The following ZNF70 variants were observed in gnomAD, a reference collection of about 807,000 sequenced individuals.
ZNF70 encodes zinc finger protein 70, also known as zinc finger protein N27C7-1.
A neutral mutation model predicts 37.7 loss-of-function variants in ZNF70; 18 were observed. The observed-to-expected ratio is 0.48, with a 90% CI of 0.33 to 0.71. ZNF70 has a LOEUF of 0.71. ZNF70 is among the 30% of genes least tolerant of loss of function. ZNF70 has a pLI of 0.02. For synonymous variants in ZNF70, 219 were observed against 220.1 expected, an observed-to-expected ratio of 0.99 and a Z score of 0.05; for missense variants, 506 against 568.6, an observed-to-expected ratio of 0.89 and a Z score of 1.12.
chr22:23,746,780 T>G (rs970564420), intron 1 of ZNF70, among the ~76,000 whole-genome samples: 1 of 151,994 alleles, frequency 6.6e-6, no homozygotes, highest in Non-Finnish European at 1.5e-5. Context: ...TTTGTAGAGA[T>G]GAGGTCACAC....
At position 23,746,132 on chromosome 22, in the gene ZNF70, C is replaced by T. The variant is rs113394528; in HGVS notation, c.-79-913G>A. ...GCTGACCTCCGGCTTCCTCCTCTCC[C>T]TCTGGTGCATGCCCTACACTAACAA... On this transcript the variant is annotated intron_variant, in intron 1 of 1. Coordinates refer to ENST00000341976, the MANE Select transcript of ZNF70 (RefSeq NM_021916.4). Among the ~76,000 whole-genome samples, 73 of 152,184 alleles carry T rather than the reference C, an allele frequency of 4.8e-4. 1 individual carries two copies. Among genetic ancestry groups the T allele is most frequent in the African/African-American group, 1.8e-3 (73 of 41,542 alleles).
In ZNF70 at chr22:23,744,683, G is replaced by A. The variant is rs1487312633; in HGVS notation, c.458C>T (p.Ser153Leu). ...GATCACCAGGTGTCGGAGCAGGTGC[G>A]AGCTCTGGCTGAAGGCCTTCCCACA... ...RECGKAFSQS[S>L]HLLRHLVIHT... Residue 153 changes from serine (S) to leucine (L), a missense_variant, in exon 2 of 2, where the codon TCG becomes TTG. Ser to Leu is a moderately radical substitution (Grantham distance 145). Coordinates refer to ENST00000341976, the MANE Select transcript of ZNF70 (RefSeq NM_021916.4). The A allele has an allele frequency of 1.1e-5, 18 of 1,613,246 alleles. No individual in the cohort carries two copies. In the Admixed American group the frequency reaches 1.8e-4, roughly 16 times the overall value.
At position 23,739,020 on chromosome 22, in the gene ZNF70, T is replaced by C. The variant is rs1719047976; in HGVS notation, c.*4780A>G. On this transcript the variant is annotated 3_prime_UTR_variant, in exon 2 of 2. Transcript: ENST00000341976. Reference sequence around the variant, plus strand: ...ATGCTAAAGACTCCTAGGCAGGCCATGGACCCCCAGATTAAGAACTCTAAA... The same window carrying C: ...ATGCTAAAGACTCCTAGGCAGGCCACGGACCCCCAGATTAAGAACTCTAAA... 2.0e-5 allele frequency: 3 copies of C among 152,144 alleles called. No homozygotes were observed. The highest frequency in any genetic ancestry group is 2.1e-4 in the South Asian group (1 of 4,830). 9.4% of individuals were successfully genotyped at this position (152,144 alleles called of 1,614,324 possible). A position where few individuals can be genotyped will look rare whatever the true frequency, so the allele number is the denominator to read the frequency against.
chr22:23,739,265 T>C lies in ZNF70; in HGVS notation c.*4535A>G, dbSNP rs1361480384. On this transcript the variant is annotated 3_prime_UTR_variant, in exon 2 of 2. Coordinates refer to ENST00000341976, the MANE Select transcript of ZNF70 (RefSeq NM_021916.4). Reference sequence around the variant, plus strand: ...AGCAATACCCTAAGCATTCATCACTTAGAAATTTTTTTTATATATATTTTT... The same window carrying C: ...AGCAATACCCTAAGCATTCATCACTCAGAAATTTTTTTTATATATATTTTT... 1 of 151,232 alleles carries C rather than the reference T, an allele frequency of 6.6e-6. No individual in the cohort carries two copies. Among genetic ancestry groups the C allele is most frequent in the African/African-American group, 2.5e-5 (1 of 40,604 alleles). 9.4% of individuals were successfully genotyped at this position (151,232 alleles called of 1,614,324 possible). A position where few individuals can be genotyped will look rare whatever the true frequency, so the allele number is the denominator to read the frequency against.
At chr22:23,745,989 T>C (rs910615532) in intron 1 of ZNF70, among the ~76,000 whole-genome samples, 3 of 152,152 alleles carry the variant, frequency 2.0e-5, no homozygotes, top group Admixed American at 1.3e-4. Flanking sequence ...TCCCCTCTTA[T>C]CTACTTCCTG....
intron 1 of ZNF70, among the ~76,000 whole-genome samples, chr22:23,745,967 TC>T (rs1442618908): frequency 6.6e-6 from 1 of 152,142 alleles, no homozygotes; most frequent in Non-Finnish European, 1.5e-5. Flanking sequence ...GCTCTTATTC[TC>T]ACCCGACCGG....
At position 23,750,777 on chromosome 22, in the gene ZNF70, C is replaced by G. The variant is rs1925298994; in HGVS notation, c.-146G>C. ...CCATCCTCCAGAGAGTCCCTAGGGC[C>G]TGGGCACCCTGCAAACTCTTAGTGC... is the stretch of plus-strand genomic sequence containing the variant. On this transcript the variant is annotated 5_prime_UTR_variant, in exon 1 of 2. Coordinates refer to ENST00000341976, the MANE Select transcript of ZNF70 (RefSeq NM_021916.4). The G allele has an allele frequency of 6.6e-6, 1 of 152,392 alleles. No homozygotes were observed. The highest frequency in any genetic ancestry group is 2.4e-5 in the African/African-American group (1 of 41,484). 9.4% of individuals were successfully genotyped at this position (152,392 alleles called of 1,614,324 possible). A position where few individuals can be genotyped will look rare whatever the true frequency, so the allele number is the denominator to read the frequency against.
chr22:23,748,300 T>A (rs1317979367), intron 1 of ZNF70, among the ~76,000 whole-genome samples: 1 of 151,496 alleles, frequency 6.6e-6, no homozygotes, highest in Non-Finnish European at 1.5e-5. Context: ...AGTGCAGGAG[T>A]AGAATCACAG....
At position 23,743,927 on chromosome 22, in the gene ZNF70, G is replaced by A. The variant is rs1924977996; in HGVS notation, c.1214C>T (p.Ala405Val). ...ECGKAFRHRS[A>V]LIEHYKTHTR... ...GTGGGTTTTATAGTGCTCAATGAGG[G>A]CTGACCGGTGCCGGAAGGCTTTGCC... The change falls in exon 2 of 2, where the codon GCC becomes GTC. Residue 405 changes from alanine (A) to valine (V), a missense_variant. By Grantham distance (64) the Ala-to-Val change is moderately conservative. Coordinates refer to ENST00000341976, the MANE Select transcript of ZNF70 (RefSeq NM_021916.4). 4.3e-6 allele frequency: 7 copies of A among 1,613,314 alleles called. No individual in the cohort carries two copies. Among genetic ancestry groups the A allele is most frequent in the Non-Finnish European group, 5.9e-6 (7 of 1,179,260 alleles).
Position 23,739,202 on chromosome 22 carries a change from T to C in ZNF70, c.*4598A>G, listed in dbSNP as rs1156489539. 1 of 152,216 alleles carries C rather than the reference T, an allele frequency of 6.6e-6. No individual in the cohort carries two copies. The highest frequency in any genetic ancestry group is 2.4e-5 in the African/African-American group (1 of 41,458). The allele number at this position is 152,216 out of a possible 1,614,324, so 9.4% of individuals were successfully genotyped here. A position where few individuals can be genotyped will look rare whatever the true frequency, so the allele number is the denominator to read the frequency against. The stretch of plus-strand genomic sequence containing the variant: ...AGGCCCAAAGAAGTCCTATGGACAC[T>C]TAGAAATGTTGACACCACAGTACAG... On this transcript the variant is annotated 3_prime_UTR_variant, in exon 2 of 2. Transcript: ENST00000341976.
rs1276006153 is a variant in ZNF70 at position 23,745,127 on chromosome 22, G to A, written c.14C>T (p.Pro5Leu). 1 of 1,611,688 alleles carries A rather than the reference G, an allele frequency of 6.2e-7. No homozygotes were observed. Among genetic ancestry groups the A allele is most frequent in the Admixed American group, 1.7e-5 (1 of 59,844 alleles). The change falls in exon 2 of 2, where the codon CCA becomes CTA. Residue 5 changes from proline to leucine, a missense_variant. Coordinates refer to ENST00000341976, the MANE Select transcript of ZNF70 (RefSeq NM_021916.4). ...AAAGGTCTCACCAAACTTTGTTGCT[G>A]GGGGAACCTCCATTGTGAATCTGCT... MEVP[P>L]ATKFGETFAF...
intron 1 of ZNF70, among the ~76,000 whole-genome samples, chr22:23,747,267 C>T (rs917762290): frequency 1.3e-5 from 2 of 152,164 alleles, no homozygotes; most frequent in African/African-American, 4.8e-5. Flanking sequence ...GGAAGGTGAG[C>T]GAGCATTACA....
chr22:23,741,076 G>A lies in ZNF70; in HGVS notation c.*2724C>T, dbSNP rs907650663. Reference sequence around the variant, plus strand: ...GGGTAAACCAGGTTGGCTGAAACGAGGGTTTACGTGCAGGAAAGCTCCTGA... The same window carrying A: ...GGGTAAACCAGGTTGGCTGAAACGAAGGTTTACGTGCAGGAAAGCTCCTGA... On this transcript the variant is annotated 3_prime_UTR_variant, in exon 2 of 2. Coordinates refer to ENST00000341976, the MANE Select transcript of ZNF70 (RefSeq NM_021916.4). The A allele has an allele frequency of 1.3e-5, 2 of 152,318 alleles. No homozygotes were observed. The highest frequency in any genetic ancestry group is 4.8e-5 in the African/African-American group (2 of 41,438). The allele number at this position is 152,318 out of a possible 1,614,324, so 9.4% of individuals were successfully genotyped here.
At chr22:23,750,284 C>A (rs1044362923) in intron 1 of ZNF70, among the ~76,000 whole-genome samples, 1 of 152,094 alleles carries the variant, frequency 6.6e-6, no homozygotes, top group Admixed American at 6.6e-5. Context: ...GTTTGGCTCT[C>A]GAAGAGTTTG....
intron 1 of ZNF70, 83 bp from the exon 2 acceptor site, chr22:23,745,302 A>G (rs1240990254): frequency 1.4e-6 from 1 of 732,192 alleles, no homozygotes; most frequent in African/African-American, 1.8e-5. Context: ...AATCTATGGT[A>G]GAAACAAGAA....
chr22:23,749,455 G>C (rs1199139235), intron 1 of ZNF70, among the ~76,000 whole-genome samples: 1 of 146,016 alleles, frequency 6.8e-6, no homozygotes, highest in African/African-American at 2.6e-5. Context: ...GTGAACCCAG[G>C]AGGCGGAGCT....
chr22:23,749,404 T>C (rs1285932370), intron 1 of ZNF70, among the ~76,000 whole-genome samples: 1 of 117,922 alleles, frequency 8.5e-6, no homozygotes, highest in Non-Finnish European at 1.6e-5. Context: ...GGCAGGTGCC[T>C]GTAGTCCCAG....
At chr22:23,747,020 A>AT (rs1447197270) in intron 1 of ZNF70, among the ~76,000 whole-genome samples, 1 of 152,176 alleles carries the variant, frequency 6.6e-6, no homozygotes, top group Non-Finnish European at 1.5e-5. Context: ...GTGCTCCTTC[A>AT]TTTCAGAATC....
At chr22:23,746,396 C>T (rs770980858) in intron 1 of ZNF70, among the ~76,000 whole-genome samples, 2 of 151,476 alleles carry the variant, frequency 1.3e-5, no homozygotes, top group African/African-American at 4.9e-5. Context: ...TAGTAGAGAC[C>T]GGGATTCACC....
Sources: allele counts gnomAD v4.1 joint callset (sites outside exome capture counted in the v4.1 genomes callset), GRCh38; gene constraint gnomAD v4.1.1; transcripts MANE v1.5; gene names NCBI Gene and HGNC (gene_info 2026-07-23, HGNC 2026-07-21).